Variants in TAF1 observed in about 807,000 individuals in gnomAD.
TAF1 encodes the protein TATA-box binding protein associated factor 1, also known as transcription initiation factor TFIID subunit 1.
A neutral mutation model predicts 138.5 loss-of-function variants in TAF1; 2 were observed. The ratio of observed to expected loss-of-function variants is 0.01; its 90% CI spans 0.01 to 0.05. The LOEUF (loss-of-function observed/expected upper bound fraction) is 0.05. Among genes scored for constraint, TAF1 ranks in the 10% least tolerant of loss-of-function variants. The probability of loss-of-function intolerance (pLI) is 1.00; values close to 1 mark genes in which losing one functional copy is unlikely to be tolerated. For synonymous variants in TAF1, 437 were observed against 503.2 expected, an observed-to-expected ratio of 0.87 and a Z score of 1.76; for missense variants, 709 against 1,478.0, an observed-to-expected ratio of 0.48 and a Z score of 8.53.
intron 25 of TAF1, among the ~76,000 whole-genome samples, chrX:71,403,060 G>C (rs1357347139): frequency 4.6e-5 from 5 of 109,204 alleles, no homozygotes; most frequent in Non-Finnish European, 9.5e-5. Context: ...ATAGGGTCTG[G>C]TTCTATTACC....
chrX:71,499,038 C>T (rs2039447778), intron 13 of TAF1, among the ~76,000 whole-genome samples: 1 of 111,497 alleles, frequency 9.0e-6, no homozygotes, highest in Admixed American at 9.5e-5. Context: ...CCCCAGGCAC[C>T]CTCAGTCCTT....
At chrX:71,371,710 G>T (rs2033069583) in intron 3 of TAF1, among the ~76,000 whole-genome samples, 1 of 111,641 alleles carries the variant, frequency 9.0e-6, no homozygotes, top group Non-Finnish European at 1.9e-5. Context: ...TGGAGTCAGT[G>T]TCCTAGGCTT....
intron 32 of TAF1, among the ~76,000 whole-genome samples, chrX:71,434,907 A>G (rs765809507): frequency 1.8e-5 from 2 of 112,927 alleles, no homozygotes; most frequent in East Asian, 5.5e-4. Flanking sequence ...CAGACTTAAC[A>G]AAATTGGCAG....
At chrX:71,527,753 A>G (rs2040025326) in intron 13 of TAF1, 1 of 122,261 alleles carries the variant, frequency 8.2e-6, no homozygotes, top group Non-Finnish European at 1.7e-5. Flanking sequence ...AGTTTGTAAA[A>G]CTGTATTTCA....
intron 32 of TAF1, among the ~76,000 whole-genome samples, chrX:71,452,348 G>T (rs749632026): frequency 9.0e-6 from 1 of 110,730 alleles, no homozygotes; most frequent in East Asian, 2.9e-4. Context: ...CTCAGACGGG[G>T]CAGCCGGGCA....
chrX:71,493,523 T>C (rs2039337685), intron 13 of TAF1, among the ~76,000 whole-genome samples: 1 of 112,671 alleles, frequency 8.9e-6, no homozygotes, highest in Non-Finnish European at 1.9e-5. Context: ...CTGCTTTCAG[T>C]TGGAAGAAGT....
chrX:71,500,001 T>G (rs2039468509), intron 13 of TAF1, among the ~76,000 whole-genome samples: 1 of 111,069 alleles, frequency 9.0e-6, no homozygotes, highest in African/African-American at 3.3e-5. Context: ...TTGGGCAAAA[T>G]TCCCCTCCTC....
intron 13 of TAF1, among the ~76,000 whole-genome samples, chrX:71,475,688 T>C (rs1468106343): frequency 9.0e-6 from 1 of 110,994 alleles, no homozygotes; most frequent in African/African-American, 3.3e-5. Context: ...TATTAAAGAC[T>C]TAAATAAGTG....
chrX:71,460,168 G>A (rs1427849024), intron 36 of TAF1, among the ~76,000 whole-genome samples: 1 of 111,954 alleles, frequency 8.9e-6, no homozygotes, highest in Non-Finnish European at 1.9e-5. Context: ...TTGAGCCCAG[G>A]ACTTCAAGGC....
At chrX:71,489,224 C>T (rs1358901653) in intron 13 of TAF1, among the ~76,000 whole-genome samples, 1 of 111,090 alleles carries the variant, frequency 9.0e-6, no homozygotes, top group Non-Finnish European at 1.9e-5. Context: ...GGGTGAATTA[C>T]TCAATCTTGG....
At chrX:71,529,078 GT>G (rs371086480) in intron 14 of TAF1, among the ~76,000 whole-genome samples, 50 of 95,049 alleles carry the variant, frequency 5.3e-4, no homozygotes, top group South Asian at 1.4e-3. Flanking sequence ...TTTTGTTTTT[GT>G]TTTTTTTTTT....
At chrX:71,383,302 A>G (rs2034009172) in intron 12 of TAF1, 138 bp downstream of exon 12, 1 of 753,999 alleles carries the variant, frequency 1.3e-6, no homozygotes, top group Non-Finnish European at 1.8e-6. Context: ...GTTATTTAGG[A>G]GAATGTCTTT....
rs750594692 is a variant in TAF1, at chrX:71,406,529, G to A, written c.3999-109G>A. 316 of 759,316 alleles carry A rather than the reference G, an allele frequency of 4.2e-4. No individual in the cohort carries two copies. In the Middle Eastern group the frequency reaches 8.1e-3, roughly 19 times the overall value. The allele number at this position is 759,316 out of a possible 1,213,427, so 62.6% of individuals were successfully genotyped here. A position where few individuals can be genotyped will look rare whatever the true frequency, so the allele number is the denominator to read the frequency against. The stretch of plus-strand genomic sequence containing the variant: ...TGGCCTTTGGTTTGGCTTTTTCCTC[G>A]CTAGGCTCGTGCTTAGGTACCTTGG... On this transcript the variant is annotated intron_variant, in intron 25 of 37. Coordinates refer to ENST00000423759, the MANE Select transcript of TAF1 (RefSeq NM_004606.5).
At chrX:71,455,332 A>G (rs2038230959) in intron 34 of TAF1, among the ~76,000 whole-genome samples, 1 of 111,906 alleles carries the variant, frequency 8.9e-6, no homozygotes, top group Non-Finnish European at 1.9e-5. Flanking sequence ...TAGTAAATGA[A>G]GAAAGGTAGT....
intron 32 of TAF1, among the ~76,000 whole-genome samples, chrX:71,435,361 C>T (rs2037087079): frequency 8.9e-6 from 1 of 112,173 alleles, no homozygotes; most frequent in African/African-American, 3.2e-5. Context: ...TATGCCTGTG[C>T]AGCTTAGTAG....
At chrX:71,506,762 G>A (rs1299940420) in intron 13 of TAF1, among the ~76,000 whole-genome samples, 1 of 109,498 alleles carries the variant, frequency 9.1e-6, no homozygotes, top group African/African-American at 3.3e-5. Context: ...CTACCGAAAA[G>A]AATTGAAAAC....
intron 28 of TAF1, among the ~76,000 whole-genome samples, chrX:71,420,970 C>T (rs904985097): frequency 3.5e-5 from 4 of 112,867 alleles, no homozygotes; most frequent in East Asian, 2.8e-4. Context: ...CAGCCCCAGC[C>T]GCCCGCTGCC....
downstream of TAF1, among the ~76,000 whole-genome samples, chrX:71,466,868 T>G (rs1314319083): frequency 8.9e-6 from 1 of 111,853 alleles, no homozygotes. Context: ...TGCAAGGAAC[T>G]TAAGGTCTAG....
At chrX:71,528,537 T>C (rs1472228979) in intron 13 of TAF1, 3 of 327,588 alleles carry the variant, frequency 9.2e-6, no homozygotes, top group Non-Finnish European at 1.8e-5. Flanking sequence ...TGTAACTCCT[T>C]ACAGGTACCA....
Sources: gnomAD v4.1 joint callset for allele counts (sites outside exome capture counted in the v4.1 genomes callset) on GRCh38, gnomAD v4.1.1 for gene constraint, MANE v1.5 for transcripts, NCBI Gene and HGNC (gene_info 2026-07-23, HGNC 2026-07-21) for gene names.